The following PITRM1 variants were observed in gnomAD, a reference collection of about 807,000 sequenced individuals.
PITRM1 encodes pitrilysin metallopeptidase 1.
In PITRM1, 100 loss-of-function variants were observed where a neutral mutation model predicts 129.9. The ratio of observed to expected loss-of-function variants is 0.77; its 90% CI spans 0.65 to 0.91. The LOEUF (loss-of-function observed/expected upper bound fraction) is 0.91, where lower values mean the gene tolerates loss of function less well. Among genes scored for constraint, PITRM1 ranks in the 40% least tolerant of loss-of-function variants. The pLI, the probability that PITRM1 is intolerant of heterozygous loss-of-function variation, is 0.00. For synonymous variants in PITRM1, 591 were observed against 508.8 expected (o/e 1.16, Z -2.17); for missense variants, 1,471 against 1,318.3 (o/e 1.12, Z -1.79).
chr10:3,139,821 C>T (rs4880594), intron 24 of PITRM1, among the ~76,000 whole-genome samples: 41,494 of 152,184 alleles, frequency 0.27, 5,719 homozygotes, highest in East Asian at 0.3. Context: ...CCACTGCGGC[C>T]GGCTGGCTCC....
At chr10:3,140,952 G>GT (rs1156652543) in intron 23 of PITRM1, 140 bp from the exon 24 acceptor site, 1 of 779,020 alleles carries the variant, frequency 1.3e-6, no homozygotes, top group Non-Finnish European at 2.1e-6. Flanking sequence ...TTTTGGTCTT[G>GT]TTTTTTAAGA....
intron 2 of PITRM1, among the ~76,000 whole-genome samples, chr10:3,168,234 G>A (rs1198043757): frequency 6.6e-6 from 1 of 152,160 alleles, no homozygotes; most frequent in Non-Finnish European, 1.5e-5. Context: ...AGACCACTAT[G>A]ACCTGCATCA....
chr10:3,164,883 A>G (rs1312199145), intron 6 of PITRM1, among the ~76,000 whole-genome samples: 1 of 152,230 alleles, frequency 6.6e-6, no homozygotes. Context: ...CTCTGTATGC[A>G]GCTCGCTGTG....
intron 23 of PITRM1, chr10:3,143,105 T>C: frequency 2.5e-6 from 1 of 403,208 alleles, no homozygotes; most frequent in South Asian, 3.1e-5. Flanking sequence ...ACATGGGGCA[T>C]GTTGAAAGCA....
At chr10:3,157,183 T>C (rs1296424803) in intron 12 of PITRM1, 119 bp from the exon 13 acceptor site, 1 of 966,504 alleles carries the variant, frequency 1.0e-6, no homozygotes, top group Non-Finnish European at 1.5e-6. Flanking sequence ...CAGATGATTG[T>C]TTATAACAAA....
chr10:3,166,391 A>AGAGGAATGGCACGCTAGGGAGGGC lies in PITRM1; in HGVS notation c.267-12_267-11insGCCCTCCCTAGCGTGCCATTCCTC. 1 of 1,394,880 alleles carries AGAGGAATGGCACGCTAGGGAGGGC rather than the reference A, an allele frequency of 7.2e-7. No homozygotes were observed. Among genetic ancestry groups the AGAGGAATGGCACGCTAGGGAGGGC allele is most frequent in the Non-Finnish European group, 1.0e-6 (1 of 999,982 alleles). The allele number at this position is 1,394,880 out of a possible 1,614,324, so 86.4% of individuals were successfully genotyped here. ...GTACGGAACTGCACGCTAGGGAAGG[A>AGAGGAATGGCACGCTAGGGAGGGC]GAATGACCAGAACGCAAAAGGTTCA... On this transcript the variant is annotated splice_polypyrimidine_tract_variant and intron_variant, in intron 3 of 26. Coordinates refer to ENST00000224949, the MANE Select transcript of PITRM1 (RefSeq NM_014889.4).
At position 3,171,146 on chromosome 10, in the gene PITRM1, T is replaced by TAAAAAAAAAAAAAAAAAAAAAAA. The variant is rs1588736135; in HGVS notation, c.57-941_57-940insTTTTTTTTTTTTTTTTTTTTTTT. Among the ~76,000 whole-genome samples, 62 of 36,266 alleles carry TAAAAAAAAAAAAAAAAAAAAAAA rather than the reference T, an allele frequency of 1.7e-3. 26 individuals carry two copies. Among genetic ancestry groups the TAAAAAAAAAAAAAAAAAAAAAAA allele is most frequent in the South Asian group, 4.1e-3 (3 of 736 alleles). 23.8% of individuals were successfully genotyped at this position (36,266 alleles called of 152,430 possible). ...GATAAAGTGCGGACTAATCGTTCAA[T>TAAAAAAAAAAAAAAAAAAAAAAA]TAAAAAAAAAAAAAAAAAAAAAAAA... On this transcript the variant is annotated intron_variant, in intron 1 of 26. Transcript: ENST00000224949.
intron 2 of PITRM1, among the ~76,000 whole-genome samples, chr10:3,168,915 TACACACACACACAC>T (rs61366911): frequency 0.097 from 13,787 of 142,728 alleles, 795 homozygotes; most frequent in Non-Finnish European, 0.13. Flanking sequence ...AGTTTCCATC[TACACACACACACAC>T]ACACACACAC....
In PITRM1 at chr10:3,158,981, G is replaced by A; in HGVS notation, c.1069C>T (p.Pro357Ser). 6.2e-7 allele frequency: 1 copy of A among 1,613,140 alleles called. No homozygotes were observed. The highest frequency in any genetic ancestry group is 8.5e-7 in the Non-Finnish European group (1 of 1,179,352). The change falls in exon 10 of 27, where the codon CCC (proline) becomes TCC (serine). Residue 357 changes from proline (P) to serine (S), a missense_variant. Pro to Ser is a moderately conservative substitution (Grantham distance 74, BLOSUM62 -1). Coordinates refer to ENST00000224949, the MANE Select transcript of PITRM1 (RefSeq NM_014889.4). The part of the protein sequence containing the change: ...SLLSSLLTSG[P>S]NSPFYKALIE... Reference sequence around the variant, plus strand: ...AAGGCTTTGTAAAAGGGAGAATTGGGCCCAGAAGTCAAGAGTGAAGACAGA... The same window carrying A: ...AAGGCTTTGTAAAAGGGAGAATTGGACCCAGAAGTCAAGAGTGAAGACAGA...
At chr10:3,162,743 G>T (rs11251746) in intron 7 of PITRM1, among the ~76,000 whole-genome samples, 28,193 of 152,164 alleles carry the variant, frequency 0.19, 3,194 homozygotes, top group Non-Finnish European at 0.26. Context: ...CACCAGGCGG[G>T]AACAGCCAGG....
At chr10:3,160,168 T>TTACCAGGAAGGACACAAAC in intron 8 of PITRM1, 36 bp downstream of exon 8, 1 of 1,609,744 alleles carries the variant, frequency 6.2e-7, no homozygotes, top group Non-Finnish European at 8.5e-7. Context: ...GTCAACATAT[T>TTACCAGGAAGGACACAAAC]TACCAGGAAG....
In PITRM1 at chr10:3,138,219, C is replaced by G. The variant is rs761062883; in HGVS notation, c.3020+16G>C. 6.2e-7 allele frequency: 1 copy of G among 1,604,926 alleles called. No individual in the cohort carries two copies. The highest frequency in any genetic ancestry group is 1.3e-5 in the African/African-American group (1 of 74,860). On this transcript the variant is annotated intron_variant, in intron 26 of 26. Transcript: ENST00000224949. ...GCTTCCAGTCCCAGACGCTGTCTCC[C>G]CCGCTCCCCACTCACCTATCGCTCA...
intron 25 of PITRM1, chr10:3,138,541 T>TC (rs917353207): frequency 1.6e-6 from 1 of 610,086 alleles, no homozygotes; most frequent in Non-Finnish European, 2.9e-6. Context: ...CACGCCTGCT[T>TC]CTGCAGCAGG....
At chr10:3,141,709 G>A (rs201232780) in intron 23 of PITRM1, 7 of 467,912 alleles carry the variant, frequency 1.5e-5, no homozygotes, top group Non-Finnish European at 3.1e-5. Flanking sequence ...ATCAGCCCCA[G>A]GTCGCCGCTT....
intron 7 of PITRM1, among the ~76,000 whole-genome samples, chr10:3,161,273 T>G (rs1401472326): frequency 6.6e-6 from 1 of 152,214 alleles, no homozygotes; most frequent in East Asian, 1.9e-4. Flanking sequence ...TTTATAACCC[T>G]AGGTACAGTA....
At chr10:3,165,558 A>G (rs1193951830) in intron 4 of PITRM1, 31 bp from the exon 5 acceptor site, 1 of 1,216,392 alleles carries the variant, frequency 8.2e-7, no homozygotes, top group Admixed American at 1.8e-5. Context: ...AAATTGTAAA[A>G]TATAACAGAT....
At chr10:3,144,210 G>A in intron 22 of PITRM1, 82 bp downstream of exon 22, 1 of 776,022 alleles carries the variant, frequency 1.3e-6, no homozygotes, top group Non-Finnish European at 2.2e-6. Context: ...GCGGACGGAG[G>A]AACATTCGAA....
At chr10:3,153,414 G>A (rs539915639) in intron 14 of PITRM1, among the ~76,000 whole-genome samples, 7 of 152,206 alleles carry the variant, frequency 4.6e-5, no homozygotes, top group Non-Finnish European at 8.8e-5. Flanking sequence ...AAAGAGTAAG[G>A]TTAAAAAATA....
In PITRM1 at chr10:3,172,719, G is replaced by A. The variant is rs1042945899; in HGVS notation, c.54C>T (p.Gly18=). The stretch of plus-strand genomic sequence containing the variant: ...CGCCTCCCGTCGCAGCGTCTCACCC[G>A]CCGCTCAGCCGCCTCAGCACACACA... The part of the protein sequence containing the change: ...QGLCVLRRLS[G]GHAHHRAWRW... The change falls in exon 1 of 27, where the codon GGC becomes GGT. Residue 18 remains glycine, a splice_region_variant and synonymous_variant. Transcript: ENST00000224949. 1.9e-6 allele frequency: 3 copies of A among 1,540,610 alleles called. No homozygotes were observed. The highest frequency in any genetic ancestry group is 1.4e-5 in the African/African-American group (1 of 72,288).
Sources: gnomAD v4.1 joint callset for allele counts (sites outside exome capture counted in the v4.1 genomes callset) on GRCh38, gnomAD v4.1.1 for gene constraint, MANE v1.5 for transcripts, NCBI Gene and HGNC (gene_info 2026-07-23, HGNC 2026-07-21) for gene names.